The following METTL27 variants were observed in gnomAD, a reference collection of about 807,000 sequenced individuals.
The protein encoded by METTL27 is methyltransferase-like protein 27.
Under a neutral mutation model 24.5 loss-of-function variants are expected in METTL27, and 29 were observed. That is an observed-to-expected ratio of 1.18 (90% CI 0.88 to 1.61). METTL27 has a LOEUF of 1.61. Ranked by LOEUF, METTL27 falls within the 40% of genes most tolerant of loss-of-function variation. The pLI is 0.00. For synonymous variants in METTL27, 138 were observed against 146.8 expected, an observed-to-expected ratio of 0.94 and a Z score of 0.43; for missense variants, 341 against 324.3, an observed-to-expected ratio of 1.05 and a Z score of -0.40.
chr7:73,842,458 C>T, intron 1 of METTL27, 32 bp downstream of exon 1: 1 of 332,992 alleles, frequency 3.0e-6, no homozygotes, highest in Non-Finnish European at 5.5e-6. Flanking sequence ...CGGAGCGAAA[C>T]GGTCTCGAAG....
chr7:73,840,970 T>G, intron 3 of METTL27, 100 bp downstream of exon 3: 1 of 1,369,278 alleles, frequency 7.3e-7, no homozygotes, highest in Non-Finnish European at 9.4e-7. Context: ...TTTGAAACAG[T>G]GAGTCTGAGG....
intron 2 of METTL27, 78 bp downstream of exon 2, chr7:73,841,940 G>A: frequency 3.1e-6 from 5 of 1,610,310 alleles, no homozygotes. Context: ...CCGCCCCCGG[G>A]TGCAAGGCTG....
rs782733847 is a variant in METTL27, at chr7:73,840,139, G to T, written c.389-19C>A. 3.7e-5 allele frequency: 53 copies of T among 1,451,508 alleles called. 2 individuals are homozygous for T. The highest frequency in any genetic ancestry group is 4.8e-5 in the East Asian group (2 of 42,048). The allele number at this position is 1,451,508 out of a possible 1,614,324, so 89.9% of individuals were successfully genotyped here. On this transcript the variant is annotated intron_variant, in intron 4 of 5. Transcript: ENST00000297873. ...AAGGTCCCTGTGTGTGTGTGGGGGG[G>T]GGTGGGGACATGGTGTGATGCTTGG...
At chr7:73,837,915 T>G (rs1414169837) in intron 5 of METTL27, among the ~76,000 whole-genome samples, 5 of 150,664 alleles carry the variant, frequency 3.3e-5, no homozygotes, top group Admixed American at 2.0e-4. Flanking sequence ...AGCAGAGCAA[T>G]CATAGCTGAC....
intron 4 of METTL27, 98 bp downstream of exon 4, chr7:73,840,316 G>A: frequency 6.5e-7 from 1 of 1,527,508 alleles, no homozygotes; most frequent in Non-Finnish European, 8.8e-7. Context: ...GGTTGAGTGA[G>A]GGACTGGGAG....
At chr7:73,835,978 AGCCGCCCC>A (rs1788171427) in intron 5 of METTL27, among the ~76,000 whole-genome samples, 1 of 124,226 alleles carries the variant, frequency 8.0e-6, no homozygotes, top group African/African-American at 3.4e-5. Context: ...TCCGCCTGGC[AGCCGCCCC>A]GTCTGGGAAG....
chr7:73,840,537 C>CTGGA lies in METTL27; in HGVS notation c.261_264dup (p.Gly89SerfsTer56). On this transcript the variant is annotated frameshift_variant, in exon 4 of 6. Transcript: ENST00000297873. LOFTEE classifies it high-confidence loss of function. ...TCCACCCCATGCAGCTGGAGGAAGC[C>CTGGA]TGGAGCCCGCAGCTGGGGTAGGGGT... 6.3e-7 allele frequency: 1 copy of CTGGA among 1,596,060 alleles called. No individual in the cohort carries two copies. The highest frequency in any genetic ancestry group is 1.1e-5 in the South Asian group (1 of 89,006).
chr7:73,839,874 G>A (rs782162570), intron 5 of METTL27, 157 bp downstream of exon 5: 2 of 630,758 alleles, frequency 3.2e-6, no homozygotes, highest in Non-Finnish European at 5.0e-6. Flanking sequence ...TGGGTCTGCT[G>A]TTGGTGGCTG....
chr7:73,836,883 C>T (rs1344332144), intron 5 of METTL27, among the ~76,000 whole-genome samples: 26 of 101,494 alleles, frequency 2.6e-4, no homozygotes, highest in Admixed American at 1.9e-3. Context: ...GGATGGTTGC[C>T]GTGTCTGTGT....
intron 3 of METTL27, among the ~76,000 whole-genome samples, chr7:73,840,849 A>G (rs1163749061): frequency 2.6e-5 from 4 of 152,072 alleles, no homozygotes; most frequent in African/African-American, 9.7e-5. Flanking sequence ...TTGTAGAGAC[A>G]GGGGTCTTGC....
chr7:73,838,536 G>C (rs1554635737), intron 5 of METTL27, among the ~76,000 whole-genome samples: 1 of 152,290 alleles, frequency 6.6e-6, no homozygotes. Flanking sequence ...GAGGGGGTAA[G>C]GAGAAGCAGG....
intron 5 of METTL27, among the ~76,000 whole-genome samples, chr7:73,836,124 G>A (rs1788180303): frequency 2.6e-5 from 3 of 113,810 alleles, no homozygotes; most frequent in Non-Finnish European, 4.1e-5. Context: ...CCATCCGGGA[G>A]GGAGGTGGGG....
chr7:73,842,117 G>C lies in METTL27; in HGVS notation c.24C>G (p.Ser8Arg). The change falls in exon 2 of 6, where the codon AGC becomes AGG. Residue 8 changes from serine to arginine, a missense_variant. Coordinates refer to ENST00000297873, the MANE Select transcript of METTL27 (RefSeq NM_152559.3). MAQEEGG[S>R]LPEVRARVRA... Reference sequence around the variant, plus strand: ...TGACCCGCGCCCGCACCTCGGGCAGGCTCCCACCCTCCTCCTGGGCCATGC... The same window carrying C: ...TGACCCGCGCCCGCACCTCGGGCAGCCTCCCACCCTCCTCCTGGGCCATGC... The C allele has an allele frequency of 6.2e-7, 1 of 1,612,502 alleles. No individual in the cohort carries two copies. Among genetic ancestry groups the C allele is most frequent in the Non-Finnish European group, 8.5e-7 (1 of 1,179,808 alleles).
At chr7:73,835,155 T>A in intron 5 of METTL27, 153 bp from the exon 6 acceptor site, 9 of 647,360 alleles carry the variant, frequency 1.4e-5, no homozygotes, top group African/African-American at 3.0e-5. Flanking sequence ...CTCTCCCTCC[T>A]CTCCCTCCTC....
chr7:73,837,924 A>T (rs1310450373), intron 5 of METTL27, among the ~76,000 whole-genome samples: 1 of 151,564 alleles, frequency 6.6e-6, no homozygotes, highest in Non-Finnish European at 1.5e-5. Flanking sequence ...ATCATAGCTG[A>T]CTGTAGCCTC....
At position 73,842,125 on chromosome 7, in the gene METTL27, C is replaced by T. The variant is rs1554636615; in HGVS notation, c.16G>A (p.Gly6Ser). ...GCCCGCACCTCGGGCAGGCTCCCAC[C>T]CTCCTCCTGGGCCATGCTCCTGTGG... MAQEE[G>S]GSLPEVRARV... Residue 6 changes from glycine to serine, a missense_variant, in exon 2 of 6, where the codon GGT becomes AGT. Physicochemically the swap from Gly to Ser is moderately conservative, Grantham distance 56. Coordinates refer to ENST00000297873, the MANE Select transcript of METTL27 (RefSeq NM_152559.3). The T allele has an allele frequency of 6.2e-7, 1 of 1,611,892 alleles. No individual in the cohort carries two copies. Among genetic ancestry groups the T allele is most frequent in the Admixed American group, 1.7e-5 (1 of 59,904 alleles).
chr7:73,835,987 GT>G (rs1335192053), intron 5 of METTL27, among the ~76,000 whole-genome samples: 2 of 132,992 alleles, frequency 1.5e-5, no homozygotes, highest in Non-Finnish European at 3.2e-5. Context: ...CAGCCGCCCC[GT>G]CTGGGAAGTG....
chr7:73,840,129 G>T lies in METTL27; in HGVS notation c.389-9C>A. ...CACCGCGTCGAAGGTCCCTGTGTGT[G>T]TGTGGGGGGGGGTGGGGACATGGTG... is the stretch of plus-strand genomic sequence containing the variant. On this transcript the variant is annotated splice_polypyrimidine_tract_variant and intron_variant, in intron 4 of 5. Transcript: ENST00000297873. 6.5e-7 allele frequency: 1 copy of T among 1,548,878 alleles called. No homozygotes were observed. The highest frequency in any genetic ancestry group is 8.7e-7 in the Non-Finnish European group (1 of 1,145,022).
chr7:73,842,151 G>A lies in METTL27; in HGVS notation c.-4-7C>T, dbSNP rs549600400. On this transcript the variant is annotated splice_region_variant and splice_polypyrimidine_tract_variant and intron_variant, in intron 1 of 5. Coordinates refer to ENST00000297873, the MANE Select transcript of METTL27 (RefSeq NM_152559.3). ...CTCCTCCTGGGCCATGCTCCTGTGG[G>A]GACACCGTTGCCCTGTCTCGAGGTC... 6.2e-7 allele frequency: 1 copy of A among 1,603,970 alleles called. No individual in the cohort carries two copies. Among genetic ancestry groups the A allele is most frequent in the Non-Finnish European group, 8.5e-7 (1 of 1,177,930 alleles).
Sources: allele counts gnomAD v4.1 joint callset (sites outside exome capture counted in the v4.1 genomes callset), GRCh38; gene constraint gnomAD v4.1.1; transcripts MANE v1.5; gene names NCBI Gene and HGNC (gene_info 2026-07-23, HGNC 2026-07-21).